Variants in HHLA1 observed in about 807,000 individuals in gnomAD.
The protein encoded by HHLA1 is HERV-H LTR-associating protein 1.
In HHLA1, 72 loss-of-function variants were observed where a neutral mutation model predicts 69.9. The ratio of observed to expected loss-of-function variants is 1.03; its 90% CI spans 0.85 to 1.25. HHLA1 has a LOEUF of 1.25. HHLA1 is among the 50% of genes most tolerant of loss of function. The pLI is 0.00. For synonymous variants in HHLA1, 252 were observed against 233.2 expected (o/e 1.08, Z -0.73); for missense variants, 685 against 642.2 (o/e 1.07, Z -0.72).
intron 15 of HHLA1, among the ~76,000 whole-genome samples, chr8:132,068,989 C>T (rs986778029): frequency 2.6e-5 from 4 of 152,144 alleles, no homozygotes; most frequent in Admixed American, 6.5e-5. Context: ...TTATTCTGAA[C>T]AAGGAGGGAG....
intron 14 of HHLA1, among the ~76,000 whole-genome samples, chr8:132,072,005 C>A (rs1043898333): frequency 1.3e-4 from 19 of 151,826 alleles, no homozygotes; most frequent in African/African-American, 4.4e-4. Context: ...TGTGTATGCA[C>A]GTGCATGTGT....
At chr8:132,075,836 T>C (rs1823628946) in intron 14 of HHLA1, among the ~76,000 whole-genome samples, 1 of 152,208 alleles carries the variant, frequency 6.6e-6, no homozygotes, top group South Asian at 2.1e-4. Flanking sequence ...GCATTTTTAG[T>C]GCCCACAAAA....
In HHLA1 at chr8:132,062,252, C is replaced by G. The variant is rs1321008687; in HGVS notation, c.*1743G>C. The stretch of plus-strand genomic sequence containing the variant: ...TGATAATATACATTTATGAGCTTGA[C>G]ATTTGCATAACTTGGAGAGTCTTTC... On this transcript the variant is annotated 3_prime_UTR_variant, in exon 17 of 17. Coordinates refer to ENST00000414222, the MANE Select transcript of HHLA1 (RefSeq NM_001145095.3). 1 of 152,168 alleles carries G rather than the reference C, an allele frequency of 6.6e-6. No individual in the cohort carries two copies. Among genetic ancestry groups the G allele is most frequent in the Admixed American group, 6.6e-5 (1 of 15,262 alleles). The allele number at this position is 152,168 out of a possible 1,614,324, so 9.4% of individuals were successfully genotyped here.
At chr8:132,079,218 G>T (rs1586726931) in intron 11 of HHLA1, among the ~76,000 whole-genome samples, 1 of 152,210 alleles carries the variant, frequency 6.6e-6, no homozygotes. Context: ...TCCCACTGGT[G>T]TTAAGTCATT....
At position 132,095,517 on chromosome 8, in the gene HHLA1, AC is replaced by A. The variant is rs1306855127; in HGVS notation, c.448+1del. 6.5e-7 allele frequency: 1 copy of A among 1,542,554 alleles called. No individual in the cohort carries two copies. The highest frequency in any genetic ancestry group is 8.8e-7 in the Non-Finnish European group (1 of 1,138,628). On this transcript the variant is annotated splice_donor_variant, in intron 7 of 16. Coordinates refer to ENST00000414222, the MANE Select transcript of HHLA1 (RefSeq NM_001145095.3). LOFTEE classifies it high-confidence loss of function. ...GCAAGCCTCATGGTAAGCTGTACCC[AC>A]CTGATAAGTCATTGGTCCGATTGTT...
In HHLA1 at chr8:132,064,042, A is replaced by C; in HGVS notation, c.1553-4T>G. On this transcript the variant is annotated splice_polypyrimidine_tract_variant and splice_region_variant and intron_variant, in intron 16 of 16. Transcript: ENST00000414222. ...TCAAGGCACTTTTGCTTTAAGGCTGAAAAAAAAGCAGAAGAAGAAGGAACT... is the reference window on the plus strand; with the variant it reads ...TCAAGGCACTTTTGCTTTAAGGCTGCAAAAAAAGCAGAAGAAGAAGGAACT... 7.7e-7 allele frequency: 1 copy of C among 1,296,452 alleles called. No homozygotes were observed. Among genetic ancestry groups the C allele is most frequent in the Non-Finnish European group, 1.0e-6 (1 of 982,482 alleles). The allele number at this position is 1,296,452 out of a possible 1,614,324, so 80.3% of individuals were successfully genotyped here. A position where few individuals can be genotyped will look rare whatever the true frequency, so the allele number is the denominator to read the frequency against.
intron 7 of HHLA1, among the ~76,000 whole-genome samples, chr8:132,090,997 G>A (rs1823938510): frequency 6.6e-6 from 1 of 152,134 alleles, no homozygotes; most frequent in South Asian, 2.1e-4. Context: ...CTGACCTTGT[G>A]CTCCACCCGC....
chr8:132,064,108 AC>A lies in HHLA1; in HGVS notation c.1553-71del, dbSNP rs527870228. On this transcript the variant is annotated intron_variant, in intron 16 of 16. Coordinates refer to ENST00000414222, the MANE Select transcript of HHLA1 (RefSeq NM_001145095.3). ...TAAACACTGTAGAGACATAAATTAA[AC>A]CCTGATGTCGCCAACAAGGGTCTAG... The A allele has an allele frequency of 2.3e-4, 236 of 1,015,978 alleles. 3 individuals are homozygous for A. The South Asian group carries it at 3.3e-3, about 14-fold the overall frequency. 62.9% of individuals were successfully genotyped at this position (1,015,978 alleles called of 1,614,324 possible).
intron 13 of HHLA1, 27 bp from the exon 14 acceptor site, chr8:132,076,156 G>A (rs1480267978): frequency 2.6e-6 from 4 of 1,512,774 alleles, no homozygotes; most frequent in South Asian, 2.4e-5. Context: ...TGGCCTTCCA[G>A]AAGTCAGAAT....
chr8:132,104,674 G>T (rs1824174414), intron 2 of HHLA1, among the ~76,000 whole-genome samples: 1 of 152,186 alleles, frequency 6.6e-6, no homozygotes, highest in South Asian at 2.1e-4. Flanking sequence ...AGTGATGGGG[G>T]CATAAAGAAT....
chr8:132,098,925 G>C lies in HHLA1; in HGVS notation c.237C>G (p.Asn79Lys), dbSNP rs1479500675. 1.8e-5 allele frequency: 28 copies of C among 1,551,244 alleles called. No homozygotes were observed. Among genetic ancestry groups the C allele is most frequent in the Non-Finnish European group, 2.4e-5 (28 of 1,146,680 alleles). The change falls in exon 5 of 17, where the codon AAC (asparagine) becomes AAG (lysine). Residue 79 changes from asparagine (N) to lysine (K), a missense_variant. Physicochemically the swap from Asn to Lys is moderately conservative, Grantham distance 94. Coordinates refer to ENST00000414222, the MANE Select transcript of HHLA1 (RefSeq NM_001145095.3). ...PARSIDLSAL[N>K]LTELVNGMLS... is the part of the protein sequence containing the mutation. ...GCATCCCATTCACAAGCTCTGTCAG[G>C]TTAAGCGCGGACAGATCGATTGACC...
intron 14 of HHLA1, among the ~76,000 whole-genome samples, chr8:132,071,926 G>A (rs1250439279): frequency 6.6e-6 from 1 of 152,200 alleles, no homozygotes; most frequent in South Asian, 2.1e-4. Context: ...GGGTACATGT[G>A]TGTGCATGTG....
At position 132,076,459 on chromosome 8, in the gene HHLA1, G is replaced by A. The variant is rs566445557; in HGVS notation, c.1240+16C>T. The A allele has an allele frequency of 3.1e-4, 282 of 905,400 alleles. 1 individual carries two copies. The African/African-American group carries it at 4.2e-3, about 14-fold the overall frequency. The allele number at this position is 905,400 out of a possible 1,614,324, so 56.1% of individuals were successfully genotyped here. ...CCCCCACCCCCAAACCCCCACTTCCGTACTGAGTTTCTCACCTGTTTGTGG... is the reference window on the plus strand; with the variant it reads ...CCCCCACCCCCAAACCCCCACTTCCATACTGAGTTTCTCACCTGTTTGTGG... On this transcript the variant is annotated intron_variant, in intron 13 of 16. Coordinates refer to ENST00000414222, the MANE Select transcript of HHLA1 (RefSeq NM_001145095.3).
intron 1 of HHLA1, 38 bp from the exon 2 acceptor site, chr8:132,105,324 C>T: frequency 7.8e-7 from 1 of 1,282,886 alleles, no homozygotes; most frequent in East Asian, 2.5e-5. Flanking sequence ...AAACTAAGCA[C>T]ATGGATGCAG....
chr8:132,072,275 C>G (rs898834764), intron 14 of HHLA1, among the ~76,000 whole-genome samples: 4 of 152,094 alleles, frequency 2.6e-5, no homozygotes, highest in African/African-American at 9.7e-5. Context: ...CAGAAAGCTT[C>G]CTATGGCTAC....
chr8:132,084,718 A>G (rs1258899988), intron 10 of HHLA1, among the ~76,000 whole-genome samples: 1 of 149,508 alleles, frequency 6.7e-6, no homozygotes, highest in African/African-American at 2.5e-5. Context: ...AAGCTTACCC[A>G]TAGTGAAGGA....
intron 14 of HHLA1, among the ~76,000 whole-genome samples, chr8:132,071,974 A>G (rs911097533): frequency 8.6e-5 from 13 of 151,838 alleles, no homozygotes; most frequent in Non-Finnish European, 1.5e-5. Flanking sequence ...GAGCATATGG[A>G]TATGTGTTTG....
In HHLA1 at chr8:132,095,982, A is replaced by G. The variant is rs115097728; in HGVS notation, c.281-196T>C. ...TAAACCAAAAAGCTGAAGAGTATGT[A>G]TCATTTGTCTATATTTCCTGATCCA... On this transcript the variant is annotated intron_variant, in intron 5 of 16. Transcript: ENST00000414222. 8.7e-3 allele frequency among the ~76,000 whole-genome samples: 1,324 copies of G among 152,352 alleles called. 16 individuals carry two copies. The highest frequency in any genetic ancestry group is 0.028 in the African/African-American group (1,175 of 41,580).
intron 1 of HHLA1, among the ~76,000 whole-genome samples, chr8:132,109,793 C>T (rs779720070): frequency 6.6e-6 from 1 of 152,104 alleles, no homozygotes; most frequent in Non-Finnish European, 1.5e-5. Context: ...TCTTGGAGTG[C>T]CAGTAAAAAG....
Sources: allele counts gnomAD v4.1 joint callset (sites outside exome capture counted in the v4.1 genomes callset), GRCh38; gene constraint gnomAD v4.1.1; transcripts MANE v1.5; gene names NCBI Gene and HGNC (gene_info 2026-07-23, HGNC 2026-07-21).